The following EIF4E2 variants were observed in gnomAD, a reference collection of about 807,000 sequenced individuals.
EIF4E2 encodes eukaryotic translation initiation factor 4E family member 2.
EIF4E2 carries 13 observed loss-of-function variants against 34.2 expected under a neutral mutation model. The observed-to-expected ratio is 0.38, with a 90% CI of 0.25 to 0.60. The LOEUF is 0.60. Among genes scored for constraint, EIF4E2 ranks in the 20% least tolerant of loss-of-function variants. The pLI is 0.62. For synonymous variants in EIF4E2, 100 were observed against 106.6 expected (o/e 0.94, Z 0.38); for missense variants, 222 against 315.1 (o/e 0.70, Z 2.24).
chr2:232,581,224 T>C lies in EIF4E2; in HGVS notation c.*281T>C, dbSNP rs531305175. ...TTCAGCCTTTCTGTTTGCTGTGTGC[T>C]GTCCAGATGCCTCTTGGGCGTCCTG... On this transcript the variant is annotated 3_prime_UTR_variant, in exon 7 of 7. Coordinates refer to the EIF4E2 transcript ENST00000409098. This position sits in a 1 kb window ranked among gnomAD's most constrained non-coding sequence, Gnocchi z 5.2. The C allele has an allele frequency of 5.6e-6, 3 of 534,664 alleles. No homozygotes were observed. In the East Asian group the frequency reaches 1.2e-4, roughly 21 times the overall value. The allele number at this position is 534,664 out of a possible 1,614,324, so 33.1% of individuals were successfully genotyped here. A position where few individuals can be genotyped will look rare whatever the true frequency, so the allele number is the denominator to read the frequency against.
chr2:232,569,212 C>T (rs1693033222), downstream of EIF4E2: 3 of 1,419,788 alleles, frequency 2.1e-6, no homozygotes, highest in African/African-American at 4.3e-5. Context: ...GCTAAACTAG[C>T]TTGTCTCATG....
chr2:232,573,810 C>T (rs754970004), downstream of EIF4E2: 15 of 337,106 alleles, frequency 4.4e-5, no homozygotes, highest in Non-Finnish European at 8.8e-5. Context: ...CTTTAGACAT[C>T]ATAATGCTGT....
intron 6 of EIF4E2, among the ~76,000 whole-genome samples, chr2:232,575,323 T>C (rs1159314831): frequency 1.2e-5 from 1 of 85,310 alleles, no homozygotes; most frequent in African/African-American, 3.9e-5. Context: ...GGTGTAGGTA[T>C]GATATACAGA....
At chr2:232,568,914 C>G (rs756241749) in intron 6 of EIF4E2, 31 bp from the exon 7 acceptor site, 8 of 1,613,956 alleles carry the variant, frequency 5.0e-6, no homozygotes, top group Non-Finnish European at 6.8e-6. Flanking sequence ...CTTTCCTCTC[C>G]CAATGAGCCA....
intron 1 of EIF4E2, among the ~76,000 whole-genome samples, chr2:232,553,352 T>C (rs566779680): frequency 2.6e-5 from 4 of 152,370 alleles, no homozygotes; most frequent in South Asian, 2.1e-4. Context: ...GGCCCATTCC[T>C]AACTATTGTC....
At position 232,566,339 on chromosome 2, in the gene EIF4E2, A is replaced by T. The variant is rs147739463; in HGVS notation, c.376-490A>T. Among the ~76,000 whole-genome samples, 2,591 of 151,916 alleles carry T rather than the reference A, an allele frequency of 0.017. 81 individuals are homozygous for T. The highest frequency in any genetic ancestry group is 0.058 in the African/African-American group (2,417 of 41,438). On this transcript the variant is annotated intron_variant, in intron 4 of 6. Coordinates refer to ENST00000258416, the MANE Select transcript of EIF4E2 (RefSeq NM_004846.4). The surrounding 1 kb of genome is among the most constrained non-coding windows in gnomAD (Gnocchi z 4.9). ...GTAGCTGGGACTACAGGCGCCCACC[A>T]CCATGCCCGGCTAATTTTGTTTTTG... is the stretch of plus-strand genomic sequence containing the variant.
chr2:232,567,475 A>G, intron 6 of EIF4E2: 1 of 1,287,902 alleles, frequency 7.8e-7, no homozygotes, highest in Non-Finnish European at 9.8e-7. Context: ...CTTAATTTCT[A>G]CAGGCTGTCT....
intron 3 of EIF4E2, among the ~76,000 whole-genome samples, chr2:232,563,654 T>G (rs1408994590): frequency 1.3e-5 from 2 of 152,130 alleles, no homozygotes; most frequent in Admixed American, 1.3e-4. Flanking sequence ...GTGTGGTACA[T>G]GTGGTTGATT....
At chr2:232,571,421 A>G (rs888427783), downstream of EIF4E2, among the ~76,000 whole-genome samples, 2 of 152,244 alleles carry the variant, frequency 1.3e-5, no homozygotes, top group Non-Finnish European at 2.9e-5. Flanking sequence ...ATCTCATAAT[A>G]CAGTCAGAAT....
At position 232,563,198 on chromosome 2, in the gene EIF4E2, GTGTGCCTCTTCAC is replaced by G. The variant is rs1050272405; in HGVS notation, c.271-1046_271-1034del. Among the ~76,000 whole-genome samples the G allele has an allele frequency of 1.7e-4, 26 of 152,292 alleles. 1 individual carries two copies. The highest frequency in any genetic ancestry group is 6.0e-4 in the African/African-American group (25 of 41,554). On this transcript the variant is annotated intron_variant, in intron 3 of 6. Coordinates refer to ENST00000258416, the MANE Select transcript of EIF4E2 (RefSeq NM_004846.4). ...TCCGTGTTTTCTCTTTCCTCCTAAA[GTGTGCCTCTTCAC>G]TGGCCAGTACTTACTACGTATCCTC...
chr2:232,573,954 TCAGCTCTGA>T (rs1329820672), downstream of EIF4E2: 7 of 540,102 alleles, frequency 1.3e-5, no homozygotes, highest in Non-Finnish European at 2.5e-5. Flanking sequence ...CAGTTGAGCA[TCAGCTCTGA>T]CCTTACTGGC....
intron 3 of EIF4E2, among the ~76,000 whole-genome samples, chr2:232,560,129 C>T (rs562361820): frequency 6.6e-6 from 1 of 152,310 alleles, no homozygotes; most frequent in South Asian, 2.1e-4. Context: ...CTAGAGGGGA[C>T]ATAGAAGCTC....
chr2:232,567,317 G>A, intron 6 of EIF4E2, 103 bp downstream of exon 6: 1 of 1,560,108 alleles, frequency 6.4e-7, no homozygotes, highest in African/African-American at 1.4e-5. Context: ...CTTACTTGTG[G>A]AGAAGGGACA....
chr2:232,582,028 C>G (rs751505849), exon 7 of EIF4E2: 1 of 152,404 alleles, frequency 6.6e-6, no homozygotes, highest in Non-Finnish European at 1.5e-5. Context: ...GATGCCCAGG[C>G]AGAAACCTCT....
chr2:232,551,164 C>T, intron 1 of EIF4E2: 1 of 515,960 alleles, frequency 1.9e-6, no homozygotes, highest in South Asian at 1.5e-5. Context: ...GTTTTCTCAT[C>T]TGCAGAGTGG....
At chr2:232,559,449 A>C in intron 3 of EIF4E2, among the ~76,000 whole-genome samples, 1 of 151,434 alleles carries the variant, frequency 6.6e-6, no homozygotes, top group Non-Finnish European at 1.5e-5. Flanking sequence ...AAAAAATAAA[A>C]AAATAAAATA....
intron 6 of EIF4E2, among the ~76,000 whole-genome samples, chr2:232,575,865 T>A (rs1693200575): frequency 6.7e-6 from 1 of 148,430 alleles, no homozygotes; most frequent in Non-Finnish European, 1.5e-5. Context: ...GCTTTTAATA[T>A]TTTTTTTCAA....
intron 3 of EIF4E2, among the ~76,000 whole-genome samples, chr2:232,559,449 A>AATAAAT (rs1692640626): frequency 6.6e-6 from 1 of 151,316 alleles, no homozygotes; most frequent in Non-Finnish European, 1.5e-5. Context: ...AAAAAATAAA[A>AATAAAT]AAATAAAATA....
At chr2:232,559,484 C>T (rs922766234) in intron 3 of EIF4E2, among the ~76,000 whole-genome samples, 5 of 151,814 alleles carry the variant, frequency 3.3e-5, no homozygotes, top group Non-Finnish European at 7.4e-5. Flanking sequence ...GAAAAGAATA[C>T]TCCAGTAGGA....
Sources: gnomAD v4.1 joint callset for allele counts (sites outside exome capture counted in the v4.1 genomes callset) on GRCh38, gnomAD v4.1.1 for gene constraint, Gnocchi (gnomAD v3.1) non-coding constraint, MANE v1.5 for transcripts, NCBI Gene and HGNC (gene_info 2026-07-23, HGNC 2026-07-21) for gene names.